IQCM: variants seen among roughly 807,000 people sequenced by gnomAD.
IQCM encodes the protein IQ motif containing M.
In IQCM, 45 loss-of-function variants were observed where a neutral mutation model predicts 57.6. That is an observed-to-expected ratio of 0.78 (90% confidence interval 0.62 to 1.00). The LOEUF (loss-of-function observed/expected upper bound fraction) is 1.00. IQCM is among the 50% of genes least tolerant of loss of function. The pLI is 0.00. For synonymous variants in IQCM, 148 were observed against 158.9 expected (o/e 0.93, Z 0.51); for missense variants, 468 against 511.6 (o/e 0.91, Z 0.82).
chr4:149,667,389 G>A lies in IQCM; in HGVS notation c.565+14729C>T, dbSNP rs529952360. ...AACAGAAAGGAAGAGCATCAACATC[G>A]ACAAAAAGGACAACCACACAAAAAC... On this transcript the variant is annotated intron_variant, in intron 7 of 13. Transcript: ENST00000636793. Among the ~76,000 whole-genome samples, 85 of 152,084 alleles carry A rather than the reference G, an allele frequency of 5.6e-4. 1 individual carries two copies. The South Asian group carries it at 0.015, about 28-fold the overall frequency.
intron 4 of IQCM, among the ~76,000 whole-genome samples, chr4:149,734,797 C>A (rs1314098897): frequency 6.6e-6 from 1 of 152,066 alleles, no homozygotes; most frequent in Non-Finnish European, 1.5e-5. Flanking sequence ...TCTTTGTTAT[C>A]CCTTTCCCTT....
At chr4:149,358,882 A>AGTATATCATGATATACTCTCATG in intron 13 of IQCM, among the ~76,000 whole-genome samples, 1 of 151,466 alleles carries the variant, frequency 6.6e-6, no homozygotes, top group Non-Finnish European at 1.5e-5. Flanking sequence ...ATATCATGAG[A>AGTATATCATGATATACTCTCATG]CCACAGTGGA....
At chr4:149,444,014 A>G (rs895503261) in intron 12 of IQCM, among the ~76,000 whole-genome samples, 1 of 151,920 alleles carries the variant, frequency 6.6e-6, no homozygotes, top group East Asian at 1.9e-4. Flanking sequence ...GTATTCATTA[A>G]AAGGATCAAA....
At chr4:149,722,091 C>T (rs1356998354) in intron 5 of IQCM, among the ~76,000 whole-genome samples, 5 of 151,974 alleles carry the variant, frequency 3.3e-5, no homozygotes, top group Admixed American at 3.3e-4. Flanking sequence ...TGTATATCTC[C>T]TTTTGCGAAA....
At chr4:149,795,576 T>C (rs1773038199) in intron 2 of IQCM, among the ~76,000 whole-genome samples, 1 of 152,170 alleles carries the variant, frequency 6.6e-6, no homozygotes, top group African/African-American at 2.4e-5. Flanking sequence ...TGCAACCTAA[T>C]GAGACAACAG....
chr4:149,500,032 C>CG (rs1743079480), intron 12 of IQCM, among the ~76,000 whole-genome samples: 1 of 152,194 alleles, frequency 6.6e-6, no homozygotes, highest in Non-Finnish European at 1.5e-5. Flanking sequence ...GCTTAGCAGA[C>CG]CTTCCAGCTG....
intron 7 of IQCM, among the ~76,000 whole-genome samples, chr4:149,663,525 T>C (rs1302488080): frequency 1.3e-5 from 2 of 152,116 alleles, no homozygotes; most frequent in East Asian, 1.9e-4. Flanking sequence ...AAGATCTTTA[T>C]TTCTCCTTTA....
intron 12 of IQCM, among the ~76,000 whole-genome samples, chr4:149,546,428 TC>T (rs1033776828): frequency 6.6e-6 from 1 of 152,224 alleles, no homozygotes. Flanking sequence ...TAGTTTACAG[TC>T]CCACCAACAG....
chr4:149,431,878 G>A (rs1734898794), intron 13 of IQCM, among the ~76,000 whole-genome samples: 1 of 151,586 alleles, frequency 6.6e-6, no homozygotes, highest in Non-Finnish European at 1.5e-5. Flanking sequence ...TCATTCACCA[G>A]TTGAAGAACA....
At chr4:149,765,769 T>C (rs1769985592) in intron 2 of IQCM, among the ~76,000 whole-genome samples, 1 of 152,112 alleles carries the variant, frequency 6.6e-6, no homozygotes, top group African/African-American at 2.4e-5. Context: ...TTTGCTCCTA[T>C]AGATAACATC....
chr4:149,749,150 G>A (rs545044925), intron 2 of IQCM, among the ~76,000 whole-genome samples: 1 of 152,170 alleles, frequency 6.6e-6, no homozygotes, highest in South Asian at 2.1e-4. Context: ...GAAACCATTT[G>A]GTATTATCTT....
intron 11 of IQCM, among the ~76,000 whole-genome samples, chr4:149,551,059 A>G (rs984039283): frequency 5.3e-5 from 8 of 152,180 alleles, no homozygotes; most frequent in Non-Finnish European, 1.2e-4. Context: ...TGGCTTCCCA[A>G]TTCTCTCAAG....
intron 12 of IQCM, among the ~76,000 whole-genome samples, chr4:149,547,180 A>G (rs1001705144): frequency 5.3e-5 from 8 of 152,172 alleles, no homozygotes; most frequent in African/African-American, 1.9e-4. Context: ...ATTGGTCTAT[A>G]TCTCTGTTTT....
chr4:149,726,866 A>T (rs1229749052), intron 5 of IQCM, among the ~76,000 whole-genome samples: 1 of 151,746 alleles, frequency 6.6e-6, no homozygotes, highest in African/African-American at 2.4e-5. Flanking sequence ...GGCTCACTGC[A>T]GCCTCCGCCT....
intron 7 of IQCM, among the ~76,000 whole-genome samples, chr4:149,635,688 C>T (rs922640596): frequency 1.1e-4 from 17 of 152,100 alleles, no homozygotes; most frequent in African/African-American, 3.6e-4. Flanking sequence ...GCCTTATGTC[C>T]ACTGAGAGGT....
chr4:149,391,244 G>T (rs1486623367), intron 13 of IQCM, among the ~76,000 whole-genome samples: 1 of 151,746 alleles, frequency 6.6e-6, no homozygotes, highest in Non-Finnish European at 1.5e-5. Context: ...TGTTTCTGGG[G>T]ATCTGTCCAT....
chr4:149,483,408 C>A (rs2149757636), intron 12 of IQCM, among the ~76,000 whole-genome samples: 1 of 151,818 alleles, frequency 6.6e-6, no homozygotes, highest in Admixed American at 6.6e-5. Context: ...GTTCTTATAG[C>A]TATAAATTTC....
intron 5 of IQCM, among the ~76,000 whole-genome samples, chr4:149,713,348 T>C (rs1764721656): frequency 6.6e-6 from 1 of 152,166 alleles, no homozygotes; most frequent in African/African-American, 2.4e-5. Context: ...GTTGCCTCCC[T>C]CTTATTTTGT....
chr4:149,793,194 A>C (rs1221301474), intron 2 of IQCM, among the ~76,000 whole-genome samples: 1 of 152,144 alleles, frequency 6.6e-6, no homozygotes, highest in Non-Finnish European at 1.5e-5. Context: ...AAAACTAATG[A>C]ATCCATGCAT....
Sources: allele counts gnomAD v4.1 joint callset (sites outside exome capture counted in the v4.1 genomes callset), GRCh38; gene constraint gnomAD v4.1.1; transcripts MANE v1.5; gene names NCBI Gene and HGNC (gene_info 2026-07-23, HGNC 2026-07-21).